Variants in HECW2 observed in about 807,000 individuals in gnomAD.
HECW2 encodes HECT, C2 and WW domain containing E3 ubiquitin protein ligase 2.
Under a neutral mutation model 175.2 loss-of-function variants are expected in HECW2, and 61 were observed. The observed-to-expected ratio is 0.35, with a 90% CI of 0.28 to 0.43. The LOEUF is 0.43. Among genes scored for constraint, HECW2 ranks in the 20% least tolerant of loss-of-function variants. The probability of loss-of-function intolerance (pLI) is 1.00; values close to 1 mark genes in which losing one functional copy is unlikely to be tolerated. For synonymous variants in HECW2, 671 were observed against 731.0 expected (o/e 0.92, Z 1.32); for missense variants, 1,524 against 2,000.5 (o/e 0.76, Z 4.54).
At chr2:196,315,657 T>A (rs1183256426) in intron 10 of HECW2, 3 of 152,164 alleles carry the variant, frequency 2.0e-5, no homozygotes, top group Non-Finnish European at 2.9e-5. Flanking sequence ...GTAAAAAAAA[T>A]TTCCCAAGAT....
chr2:196,310,964 T>G (rs370942031), intron 10 of HECW2, among the ~76,000 whole-genome samples: 1 of 152,206 alleles, frequency 6.6e-6, no homozygotes, highest in Non-Finnish European at 1.5e-5. Context: ...TAGGAATCTA[T>G]AAAATTATGC....
chr2:196,327,398 G>T (rs1692194558), intron 5 of HECW2, among the ~76,000 whole-genome samples: 1 of 151,856 alleles, frequency 6.6e-6, no homozygotes, highest in Admixed American at 6.6e-5. Flanking sequence ...ATATGCTATT[G>T]CTCACAAATA....
intron 1 of HECW2, among the ~76,000 whole-genome samples, chr2:196,517,440 T>C (rs1273336600): frequency 2.0e-5 from 3 of 152,328 alleles, no homozygotes; most frequent in East Asian, 1.9e-4. Context: ...ATTACAACAC[T>C]ATATAAAAAT....
intron 14 of HECW2, chr2:196,291,021 T>C (rs933726276): frequency 3.9e-5 from 6 of 152,158 alleles, no homozygotes; most frequent in Non-Finnish European, 7.4e-5. Flanking sequence ...TAAGGGCTTC[T>C]CCCATGCATT....
At chr2:196,389,858 G>A (rs1262110976) in intron 2 of HECW2, among the ~76,000 whole-genome samples, 1 of 151,908 alleles carries the variant, frequency 6.6e-6, no homozygotes. Context: ...GTGGCCCTGG[G>A]GACCACAGAC....
intron 1 of HECW2, among the ~76,000 whole-genome samples, chr2:196,475,234 G>T (rs1025077688): frequency 6.6e-6 from 1 of 152,008 alleles, no homozygotes; most frequent in Non-Finnish European, 1.5e-5. Context: ...CTGCCAGATC[G>T]GAGAGTTCCC....
At chr2:196,305,412 G>A (rs1691222519) in intron 13 of HECW2, among the ~76,000 whole-genome samples, 2 of 152,156 alleles carry the variant, frequency 1.3e-5, no homozygotes, top group Non-Finnish European at 2.9e-5. Flanking sequence ...GTAAAGCAAA[G>A]CTAAAGAAGG....
chr2:196,437,712 A>G (rs1346288019), intron 1 of HECW2, among the ~76,000 whole-genome samples: 1 of 151,966 alleles, frequency 6.6e-6, no homozygotes. Flanking sequence ...AGGCTCCATG[A>G]GGTTAGGCCC....
At chr2:196,233,893 A>C (rs891757995) in intron 21 of HECW2, among the ~76,000 whole-genome samples, 5 of 152,190 alleles carry the variant, frequency 3.3e-5, no homozygotes, top group Middle Eastern at 3.2e-3. Flanking sequence ...TTACTTTATA[A>C]GCAGAGACTG....
At chr2:196,444,265 G>A (rs1696120824) in intron 1 of HECW2, among the ~76,000 whole-genome samples, 1 of 137,350 alleles carries the variant, frequency 7.3e-6, no homozygotes, top group African/African-American at 2.6e-5. Flanking sequence ...TTACTTTGTG[G>A]TGGCTGAAGC....
chr2:196,348,195 A>T (rs1693030555), intron 2 of HECW2, among the ~76,000 whole-genome samples: 1 of 152,226 alleles, frequency 6.6e-6, no homozygotes, highest in Non-Finnish European at 1.5e-5. Context: ...TTAGAGTGGT[A>T]GCATTTTCTC....
At chr2:196,475,933 GT>G (rs1686590560) in intron 1 of HECW2, among the ~76,000 whole-genome samples, 1 of 152,204 alleles carries the variant, frequency 6.6e-6, no homozygotes, top group African/African-American at 2.4e-5. Flanking sequence ...GTTCTGCCTT[GT>G]CTTCAAATCC....
intron 13 of HECW2, among the ~76,000 whole-genome samples, chr2:196,306,035 G>C (rs1191696613): frequency 6.6e-6 from 1 of 152,204 alleles, no homozygotes; most frequent in East Asian, 1.9e-4. Context: ...CAATATAATA[G>C]TATTAGGAGA....
chr2:196,524,153 C>G (rs554332403), intron 1 of HECW2, among the ~76,000 whole-genome samples: 5 of 136,562 alleles, frequency 3.7e-5, no homozygotes, highest in South Asian at 2.6e-4. Flanking sequence ...ACAATTTCAG[C>G]TCCTGTTATT....
At chr2:196,532,482 G>T (rs1174512501) in intron 1 of HECW2, among the ~76,000 whole-genome samples, 1 of 152,098 alleles carries the variant, frequency 6.6e-6, no homozygotes, top group African/African-American at 2.4e-5. Context: ...CTGTCAGGGG[G>T]TGGGTGTCTA....
At chr2:196,494,162 G>GA in intron 1 of HECW2, among the ~76,000 whole-genome samples, 1 of 152,294 alleles carries the variant, frequency 6.6e-6, no homozygotes, top group East Asian at 1.9e-4. Flanking sequence ...ACTTGTTCAG[G>GA]AAAATGTTTC....
chr2:196,507,130 T>C (rs1316753452), intron 1 of HECW2, among the ~76,000 whole-genome samples: 6 of 139,678 alleles, frequency 4.3e-5, no homozygotes, highest in African/African-American at 1.6e-4. Context: ...AACATGTGTA[T>C]ATTACACACG....
rs191837774 is a variant in HECW2, at chr2:196,396,878, G to A, written c.292+36254C>T. On this transcript the variant is annotated intron_variant, in intron 2 of 28. Coordinates refer to ENST00000644978, the MANE Select transcript of HECW2 (RefSeq NM_001348768.2). ...TGTAATCCCAGCACTCTGGGAGGCC[G>A]AGGCGGACGGATCACGAGGTCAGGA... is the stretch of plus-strand genomic sequence containing the variant. Among the ~76,000 whole-genome samples the A allele has an allele frequency of 3.9e-3, 589 of 152,144 alleles. 5 individuals are homozygous for A. Among genetic ancestry groups the A allele is most frequent in the African/African-American group, 0.013 (544 of 41,506 alleles).
In HECW2 at chr2:196,571,003, T is replaced by C. The variant is rs539570464; in HGVS notation, c.-36+22505A>G. 3.3e-5 allele frequency among the ~76,000 whole-genome samples: 5 copies of C among 152,328 alleles called. No individual in the cohort carries two copies. The East Asian group carries it at 7.7e-4, about 23-fold the overall frequency. On this transcript the variant is annotated intron_variant, in intron 1 of 28. Coordinates refer to ENST00000644978, the MANE Select transcript of HECW2 (RefSeq NM_001348768.2). Reference sequence around the variant, plus strand: ...TCACATCTATCTCAATGACTAAAACTGTAACTTTCTTTCCCTAAATATATT... The same window carrying C: ...TCACATCTATCTCAATGACTAAAACCGTAACTTTCTTTCCCTAAATATATT...
Sources: gnomAD v4.1 joint callset for allele counts (sites outside exome capture counted in the v4.1 genomes callset) on GRCh38, gnomAD v4.1.1 for gene constraint, MANE v1.5 for transcripts, NCBI Gene and HGNC (gene_info 2026-07-23, HGNC 2026-07-21) for gene names.